The following MYH7B variants were observed in gnomAD, a reference collection of about 807,000 sequenced individuals.
MYH7B encodes myosin-7B.
A neutral mutation model predicts 234.5 loss-of-function variants in MYH7B; 205 were observed. That is an observed-to-expected ratio of 0.87 (90% confidence interval 0.78 to 0.98). The LOEUF (loss-of-function observed/expected upper bound fraction) is 0.98, where lower values mean the gene tolerates loss of function less well. Among genes scored for constraint, MYH7B ranks in the 50% least tolerant of loss-of-function variants. The pLI is 0.00. For synonymous variants in MYH7B, 1,193 were observed against 1,105.0 expected, an observed-to-expected ratio of 1.08 and a Z score of -1.58; for missense variants, 2,652 against 2,633.4, an observed-to-expected ratio of 1.01 and a Z score of -0.15.
rs41312286 is a variant in MYH7B, at chr20:34,978,070, C to T, written c.65C>T (p.Thr22Met). 5.2e-5 allele frequency: 84 copies of T among 1,613,960 alleles called. 2 individuals carry two copies. In the Admixed American group the frequency reaches 1.0e-3, roughly 20 times the overall value. Residue 22 changes from threonine to methionine, a missense_variant, in exon 5 of 45, where the codon ACG becomes ATG. Physicochemically the swap from Thr to Met is moderately conservative, Grantham distance 81. Coordinates refer to ENST00000262873, the Ensembl canonical transcript of MYH7B. ...CTCCGCCAGGGCTACCAGGAGATGA[C>T]GAAGGTGCACACTATCCCATGGGAC... is the stretch of plus-strand genomic sequence containing the variant.
At chr20:35,001,914 C>A (rs1222316001) in intron 43 of MYH7B, 34 bp from the exon 44 acceptor site, 1 of 1,598,558 alleles carries the variant, frequency 6.3e-7, no homozygotes, top group South Asian at 1.1e-5. Flanking sequence ...TCTCAGTCAC[C>A]CAAGCGGAAC....
rs1569067708 is a variant in MYH7B at position 35,000,899 on chromosome 20, GCTGGGCAAGGGCTGTGGGGAGC to G, written c.5304+12_5304+33del. 1.9e-6 allele frequency: 2 copies of G among 1,064,414 alleles called. No homozygotes were observed. The highest frequency in any genetic ancestry group is 2.6e-6 in the Non-Finnish European group (2 of 783,526). 65.9% of individuals were successfully genotyped at this position (1,064,414 alleles called of 1,614,324 possible). ...CCAAAAAGGCCATCACTGATGTGAG[GCTGGGCAAGGGCTGTGGGGAGC>G]CTGGGACAGAATTGCAGAGGGACTT... On this transcript the variant is annotated splice_region_variant and intron_variant, in intron 40 of 44. Coordinates refer to ENST00000262873, the Ensembl canonical transcript of MYH7B.
At position 35,000,287 on chromosome 20, in the gene MYH7B, C is replaced by G. The variant is rs747553030; in HGVS notation, c.4782-6C>G. The G allele has an allele frequency of 4.5e-6, 7 of 1,565,942 alleles. No individual in the cohort carries two copies. The highest frequency in any genetic ancestry group is 3.6e-5 in the Admixed American group (2 of 56,336). ...GACCCCCTTTCATGCCACCCTCCTCCCATAGGCGCAACCACCAGCGAGCTG... is the reference window on the plus strand; with the variant it reads ...GACCCCCTTTCATGCCACCCTCCTCGCATAGGCGCAACCACCAGCGAGCTG... On this transcript the variant is annotated splice_polypyrimidine_tract_variant and splice_region_variant and intron_variant, in intron 38 of 44. Transcript: ENST00000262873.
chr20:34,988,462 GTGT>G (rs2082076572), intron 19 of MYH7B, among the ~76,000 whole-genome samples, 200 bp downstream of exon 19: 1 of 152,172 alleles, frequency 6.6e-6, no homozygotes, highest in South Asian at 2.1e-4. Flanking sequence ...GTGAGTGGGT[GTGT>G]TGGAGTTGAC....
intron 19 of MYH7B, among the ~76,000 whole-genome samples, chr20:34,989,354 G>C (rs1022756133): frequency 6.6e-6 from 1 of 152,236 alleles, no homozygotes. Context: ...TGATGTCGGA[G>C]GGCCCCACAG....
intron 5 of MYH7B, among the ~76,000 whole-genome samples, chr20:34,978,445 G>A (rs958084989): frequency 7.9e-5 from 12 of 152,200 alleles, no homozygotes; most frequent in African/African-American, 2.7e-4. Context: ...CACAAAACTT[G>A]TGCTGGGGTT....
chr20:34,995,832 T>C (rs766897714), intron 28 of MYH7B, among the ~76,000 whole-genome samples: 9 of 152,264 alleles, frequency 5.9e-5, no homozygotes, highest in Non-Finnish European at 1.0e-4. Context: ...GGTAGGTGTT[T>C]AGCACATGCT....
chr20:35,002,354 G>C, exon 45 of MYH7B: 1 of 739,662 alleles, frequency 1.4e-6, no homozygotes, highest in South Asian at 3.0e-5. Context: ...TTTCTTTGGG[G>C]TTCAGGAGGA....
intron 1 of MYH7B, among the ~76,000 whole-genome samples, chr20:34,957,015 C>T (rs1191898004): frequency 6.6e-6 from 1 of 152,190 alleles, no homozygotes; most frequent in African/African-American, 2.4e-5. Context: ...GATCACGCTG[C>T]AGCACTCCTG....
chr20:35,001,881 T>G lies in MYH7B; in HGVS notation c.5677-67T>G. ...GGAGGAGCTAGCTCCCTTCTTGGAC[T>G]GGGGCAGGGACCAGAATAAGCATCT... On this transcript the variant is annotated intron_variant, in intron 43 of 44. Coordinates refer to ENST00000262873, the Ensembl canonical transcript of MYH7B. 3 of 1,560,138 alleles carry G rather than the reference T, an allele frequency of 1.9e-6. No individual in the cohort carries two copies. The South Asian group carries it at 3.6e-5, about 19-fold the overall frequency.
At chr20:34,987,592 A>G in exon 17 of MYH7B, 1 of 1,614,000 alleles carries the variant, frequency 6.2e-7, no homozygotes, top group Non-Finnish European at 8.5e-7. Flanking sequence ...GGGGGTCAGC[A>G]GTGGGGACCT....
intron 3 of MYH7B, among the ~76,000 whole-genome samples, chr20:34,976,260 G>C (rs189550446): frequency 2.6e-5 from 4 of 152,304 alleles, no homozygotes; most frequent in Admixed American, 2.6e-4. Flanking sequence ...GTAGATGGTT[G>C]AAAATGTAGC....
At chr20:34,992,972 G>C in intron 24 of MYH7B, 130 bp from the exon 25 acceptor site, 1 of 1,180,522 alleles carries the variant, frequency 8.5e-7, no homozygotes, top group Non-Finnish European at 1.2e-6. Context: ...CTCTGCACCA[G>C]CCTCGGAGAG....
At position 34,977,630 on chromosome 20, in the gene MYH7B, A is replaced by G; in HGVS notation, c.-121-2A>G. On this transcript the variant is annotated splice_acceptor_variant, in intron 3 of 44. Coordinates refer to ENST00000262873, the Ensembl canonical transcript of MYH7B. LOFTEE classifies it low-confidence loss of function (5UTR_SPLICE). ...ATAGCTCTCCTCCTCTGACCTTGAC[A>G]GTGGCAATAAAAGGGGTAGCAGAGC... The G allele has an allele frequency of 6.3e-7, 1 of 1,575,850 alleles. No homozygotes were observed. Among genetic ancestry groups the G allele is most frequent in the South Asian group, 1.2e-5 (1 of 85,798 alleles).
exon 20 of MYH7B, chr20:34,989,877 C>T (rs1342837424): frequency 1.2e-6 from 2 of 1,614,174 alleles, no homozygotes; most frequent in Non-Finnish European, 1.7e-6. Flanking sequence ...ACAAGAAGCG[C>T]AAGTACCAGG....
chr20:34,960,189 C>A (rs369159687), intron 2 of MYH7B, among the ~76,000 whole-genome samples: 3 of 152,250 alleles, frequency 2.0e-5, no homozygotes, highest in African/African-American at 7.2e-5. Context: ...TTGTGTCTTG[C>A]CTTTCTCCCT....
At chr20:34,967,603 T>A (rs2081755002) in intron 2 of MYH7B, among the ~76,000 whole-genome samples, 1 of 152,066 alleles carries the variant, frequency 6.6e-6, no homozygotes, top group Non-Finnish European at 1.5e-5. Flanking sequence ...AGAACAGACA[T>A]TCTCCTGCTC....
intron 32 of MYH7B, 50 bp downstream of exon 32, chr20:34,997,690 C>T (rs746979457): frequency 1.9e-5 from 30 of 1,600,504 alleles, no homozygotes; most frequent in Non-Finnish European, 2.3e-5. Context: ...AAACCAATCC[C>T]GATCCCAGCA....
chr20:34,976,059 A>C (rs2081850670), intron 3 of MYH7B, among the ~76,000 whole-genome samples: 1 of 152,174 alleles, frequency 6.6e-6, no homozygotes, highest in African/African-American at 2.4e-5. Flanking sequence ...GCACACAGTA[A>C]AGTGCATACA....
Sources: gnomAD v4.1 joint callset for allele counts (sites outside exome capture counted in the v4.1 genomes callset) on GRCh38, gnomAD v4.1.1 for gene constraint, MANE v1.5 for transcripts, NCBI Gene and HGNC (gene_info 2026-07-23, HGNC 2026-07-21) for gene names.